SNX29: variants seen among roughly 807,000 people sequenced by gnomAD.
SNX29 encodes sorting nexin 29.
In SNX29, 78 loss-of-function variants were observed where a neutral mutation model predicts 102.1. That is an observed-to-expected ratio of 0.76 (90% CI 0.64 to 0.92). The LOEUF (loss-of-function observed/expected upper bound fraction) is 0.92, where lower values mean the gene tolerates loss of function less well. Among genes scored for constraint, SNX29 ranks in the 40% least tolerant of loss-of-function variants. SNX29 has a pLI of 0.00. For missense variants in SNX29, 1,280 were observed against 1,061.7 expected (o/e 1.21, Z -2.86); for synonymous variants, 580 against 414.5 (o/e 1.40, Z -4.85).
At chr16:12,432,435 C>T (rs2085350861) in intron 18 of SNX29, among the ~76,000 whole-genome samples, 1 of 152,156 alleles carries the variant, frequency 6.6e-6, no homozygotes, top group Admixed American at 6.6e-5. Flanking sequence ...GGGCACTTAG[C>T]CCAGGCTGGT....
intron 11 of SNX29, among the ~76,000 whole-genome samples, chr16:12,105,223 C>G (rs200660162): frequency 5.4e-5 from 6 of 110,230 alleles, no homozygotes; most frequent in Non-Finnish European, 1.2e-4. Context: ...CTCCCTCCCT[C>G]CCTCCCTTCC....
At chr16:12,155,391 G>C (rs977551828) in intron 13 of SNX29, among the ~76,000 whole-genome samples, 2 of 152,212 alleles carry the variant, frequency 1.3e-5, no homozygotes, top group Admixed American at 1.3e-4. Context: ...AAGAGCCACA[G>C]AATGTTTCTC....
At chr16:12,262,043 C>T (rs1596671310) in intron 14 of SNX29, among the ~76,000 whole-genome samples, 1 of 139,776 alleles carries the variant, frequency 7.2e-6, no homozygotes, top group Non-Finnish European at 1.6e-5. Context: ...TGCACGTCCC[C>T]GGCTGGAGTG....
chr16:12,069,953 C>T (rs2051219557), intron 10 of SNX29, among the ~76,000 whole-genome samples: 1 of 129,256 alleles, frequency 7.7e-6, no homozygotes, highest in South Asian at 2.4e-4. Flanking sequence ...GCTGGGATTA[C>T]AGGCCACCGT....
chr16:12,563,525 ATTGAG>A (rs1395676800), intron 20 of SNX29, among the ~76,000 whole-genome samples: 3 of 152,188 alleles, frequency 2.0e-5, no homozygotes, highest in East Asian at 3.9e-4. Flanking sequence ...CATGTGAAAA[ATTGAG>A]TTGTCTCCCA....
chr16:12,164,795 C>T (rs905150747), intron 13 of SNX29, among the ~76,000 whole-genome samples: 1 of 149,750 alleles, frequency 6.7e-6, no homozygotes, highest in Non-Finnish European at 1.5e-5. Flanking sequence ...TCAAGCAGCT[C>T]TCCTGCCTCA....
intron 14 of SNX29, among the ~76,000 whole-genome samples, chr16:12,231,270 C>T (rs141062139): frequency 2.0e-5 from 3 of 152,154 alleles, no homozygotes; most frequent in Admixed American, 6.5e-5. Flanking sequence ...TCCACCATAC[C>T]ATCCAGCTCA....
intron 15 of SNX29, among the ~76,000 whole-genome samples, chr16:12,298,109 G>A (rs113415871): frequency 0.032 from 4,847 of 152,298 alleles, 250 homozygotes; most frequent in African/African-American, 0.11. Context: ...ATTGGAGGTT[G>A]CAGTGAGCTG....
chr16:12,420,566 G>A (rs1303639839), intron 18 of SNX29, among the ~76,000 whole-genome samples: 2 of 152,162 alleles, frequency 1.3e-5, no homozygotes, highest in African/African-American at 4.8e-5. Context: ...ACTGAAACCC[G>A]AGTTCACACC....
At chr16:12,498,876 A>T (rs2088962364) in intron 19 of SNX29, among the ~76,000 whole-genome samples, 1 of 152,134 alleles carries the variant, frequency 6.6e-6, no homozygotes, top group Non-Finnish European at 1.5e-5. Flanking sequence ...AAGTAGAGAG[A>T]TGGTAGGTTT....
intron 14 of SNX29, among the ~76,000 whole-genome samples, chr16:12,242,082 A>T (rs1036574617): frequency 1.3e-5 from 2 of 151,992 alleles, no homozygotes; most frequent in Non-Finnish European, 2.9e-5. Context: ...GCCTGGGGTA[A>T]AGTCAGTGGA....
intron 18 of SNX29, among the ~76,000 whole-genome samples, chr16:12,471,373 C>T (rs80335560): frequency 5.6e-4 from 85 of 152,328 alleles, no homozygotes; most frequent in African/African-American, 1.9e-3. Flanking sequence ...TTCTCCTCCT[C>T]TTCCAAAGAC....
At chr16:12,187,053 G>C (rs1402410145) in intron 13 of SNX29, among the ~76,000 whole-genome samples, 1 of 152,254 alleles carries the variant, frequency 6.6e-6, no homozygotes, top group Non-Finnish European at 1.5e-5. Context: ...GGTCCCGGAG[G>C]AATCCGGACT....
chr16:12,212,254 A>G (rs752667006), intron 14 of SNX29, among the ~76,000 whole-genome samples: 1 of 152,180 alleles, frequency 6.6e-6, no homozygotes, highest in Non-Finnish European at 1.5e-5. Flanking sequence ...ATTGTGTGCC[A>G]TGAGTCACAT....
In SNX29 at chr16:12,555,660, C is replaced by G. The variant is rs564708568; in HGVS notation, c.2319-12846C>G. Among the ~76,000 whole-genome samples the G allele has an allele frequency of 1.1e-3, 168 of 152,190 alleles. 1 individual carries two copies. Among genetic ancestry groups the G allele is most frequent in the African/African-American group, 3.6e-3 (149 of 41,552 alleles). ...ACCCCACTGATGCCAGACCCTGTCA[C>G]TCCTGCACGAAGTCTGAGAATAAGC... is the stretch of plus-strand genomic sequence containing the variant. On this transcript the variant is annotated intron_variant, in intron 20 of 20. Transcript: ENST00000566228.
At chr16:12,420,798 C>T (rs1248799112) in intron 18 of SNX29, among the ~76,000 whole-genome samples, 1 of 152,162 alleles carries the variant, frequency 6.6e-6, no homozygotes, top group Non-Finnish European at 1.5e-5. Context: ...TCACCAAGCT[C>T]ATGCTTCAGG....
chr16:12,385,699 A>T (rs1195758039), intron 16 of SNX29, among the ~76,000 whole-genome samples: 1 of 152,256 alleles, frequency 6.6e-6, no homozygotes, highest in African/African-American at 2.4e-5. Context: ...GCTCTAGGCC[A>T]CTTAGCTATA....
intron 15 of SNX29, among the ~76,000 whole-genome samples, chr16:12,349,325 A>C (rs1445880097): frequency 1.3e-5 from 2 of 152,240 alleles, no homozygotes; most frequent in African/African-American, 2.4e-5. Flanking sequence ...TATGGCTACT[A>C]GAATTCCCTG....
intron 11 of SNX29, among the ~76,000 whole-genome samples, chr16:12,119,665 C>T (rs907668904): frequency 2.0e-5 from 3 of 152,336 alleles, no homozygotes; most frequent in African/African-American, 7.2e-5. Context: ...GGTGTGAGTC[C>T]TGAGGCTGTG....
Sources: allele counts gnomAD v4.1 joint callset (sites outside exome capture counted in the v4.1 genomes callset), GRCh38; gene constraint gnomAD v4.1.1; transcripts MANE v1.5; gene names NCBI Gene and HGNC (gene_info 2026-07-23, HGNC 2026-07-21).